FBXO31: variants seen among roughly 807,000 people sequenced by gnomAD.
FBXO31 encodes the protein F-box protein 31, also known as F-box only protein 31.
A neutral mutation model predicts 54.4 loss-of-function variants in FBXO31; 24 were observed. The ratio of observed to expected loss-of-function variants is 0.44; its 90% CI spans 0.32 to 0.62. The LOEUF (loss-of-function observed/expected upper bound fraction) is 0.62. Among genes scored for constraint, FBXO31 ranks in the 20% least tolerant of loss-of-function variants. The probability of loss-of-function intolerance (pLI) is 0.05; values close to 1 mark genes in which losing one functional copy is unlikely to be tolerated. For missense variants in FBXO31, 665 were observed against 787.1 expected (o/e 0.84, Z 1.86); for synonymous variants, 388 against 335.6 (o/e 1.16, Z -1.71).
chr16:87,332,372 G>A (rs1375373409), intron 8 of FBXO31, among the ~76,000 whole-genome samples: 2 of 152,228 alleles, frequency 1.3e-5, no homozygotes, highest in African/African-American at 4.8e-5. Flanking sequence ...AGGTTAGCTG[G>A]GGACGGAGGC....
Position 87,335,085 on chromosome 16 carries a change from C to T in FBXO31, c.996+219G>A, listed in dbSNP as rs1025417988. On this transcript the variant is annotated intron_variant, in intron 7 of 8. Transcript: ENST00000311635. This position sits in a 1 kb window ranked among gnomAD's most constrained non-coding sequence, Gnocchi z 5.7. Reference sequence around the variant, plus strand: ...CTGTGGGAAGGCCACCTTGGAAGCACACAGACTCCCTGAGGGTCTCGTGGA... The same window carrying T: ...CTGTGGGAAGGCCACCTTGGAAGCATACAGACTCCCTGAGGGTCTCGTGGA... 6.6e-6 allele frequency among the ~76,000 whole-genome samples: 1 copy of T among 152,200 alleles called. No homozygotes were observed. The highest frequency in any genetic ancestry group is 1.5e-5 in the Non-Finnish European group (1 of 68,036).
In FBXO31 at chr16:87,345,012, C is replaced by G. The variant is rs1597363826; in HGVS notation, c.490-1247G>C. ...CCCCACCTGGGGGCAGAGCCCATCCCTGCCCCGAACCCCACCTGAGGAACA... is the reference window on the plus strand; with the variant it reads ...CCCCACCTGGGGGCAGAGCCCATCCGTGCCCCGAACCCCACCTGAGGAACA... On this transcript the variant is annotated intron_variant, in intron 3 of 8. Transcript: ENST00000311635. The surrounding 1 kb of genome is among the most constrained non-coding windows in gnomAD (Gnocchi z 4.9). 6.6e-6 allele frequency among the ~76,000 whole-genome samples: 1 copy of G among 151,634 alleles called. No homozygotes were observed. Among genetic ancestry groups the G allele is most frequent in the Non-Finnish European group, 1.5e-5 (1 of 67,780 alleles).
chr16:87,365,037 A>ATATATATATATC (rs1489132121), intron 1 of FBXO31, among the ~76,000 whole-genome samples: 9 of 106,866 alleles, frequency 8.4e-5, no homozygotes, highest in African/African-American at 2.1e-4. Flanking sequence ...ATATATATAT[A>ATATATATATATC]TATCAGGCAG....
At chr16:87,376,932 C>A (rs140674776) in intron 1 of FBXO31, among the ~76,000 whole-genome samples, 306 of 152,328 alleles carry the variant, frequency 2.0e-3, no homozygotes, top group African/African-American at 7.1e-3. Flanking sequence ...ACGACTATTC[C>A]TATCTGTATT....
chr16:87,346,407 G>T lies in FBXO31; in HGVS notation c.489+767C>A, dbSNP rs1905389317. ...AAACTTTCACTACTGTACCCAAAAA[G>T]ATTAACAAAGAGAAGGAAAACTTCA... On this transcript the variant is annotated intron_variant, in intron 3 of 8. Coordinates refer to ENST00000311635, the MANE Select transcript of FBXO31 (RefSeq NM_024735.5). This position sits in a 1 kb window ranked among gnomAD's most constrained non-coding sequence, Gnocchi z 4.2. 6.6e-6 allele frequency among the ~76,000 whole-genome samples: 1 copy of T among 152,160 alleles called. No individual in the cohort carries two copies. Among genetic ancestry groups the T allele is most frequent in the South Asian group, 2.1e-4 (1 of 4,832 alleles).
chr16:87,366,693 A>G (rs894069603), intron 1 of FBXO31, among the ~76,000 whole-genome samples: 3 of 152,182 alleles, frequency 2.0e-5, no homozygotes, highest in African/African-American at 4.8e-5. Flanking sequence ...TGGTAAAGAA[A>G]CTGATGAAAG....
intron 1 of FBXO31, among the ~76,000 whole-genome samples, chr16:87,379,200 C>A (rs1906963711): frequency 6.6e-6 from 1 of 152,096 alleles, no homozygotes; most frequent in African/African-American, 2.4e-5. Context: ...ATGATCTTGG[C>A]TCACTGCAAC....
At chr16:87,381,560 C>G (rs970191201) in intron 1 of FBXO31, among the ~76,000 whole-genome samples, 1 of 152,236 alleles carries the variant, frequency 6.6e-6, no homozygotes, top group Non-Finnish European at 1.5e-5. Flanking sequence ...AATCAGGGGC[C>G]TCGACCATTA....
chr16:87,365,010 A>AAAATATAT (rs1233086176), intron 1 of FBXO31, among the ~76,000 whole-genome samples: 3 of 47,682 alleles, frequency 6.3e-5, no homozygotes, highest in African/African-American at 2.0e-4. Flanking sequence ...CCGTCTCTTA[A>AAAATATAT]ATATATATAT....
At chr16:87,381,472 G>T (rs1907074117) in intron 1 of FBXO31, among the ~76,000 whole-genome samples, 1 of 152,186 alleles carries the variant, frequency 6.6e-6, no homozygotes. Flanking sequence ...ACAGGACTTG[G>T]GAAGGTGAAG....
intron 1 of FBXO31, among the ~76,000 whole-genome samples, chr16:87,381,697 T>C (rs1244457903): frequency 6.6e-6 from 1 of 152,174 alleles, no homozygotes; most frequent in African/African-American, 2.4e-5. Context: ...TTCATCAACA[T>C]GCAGTCCTAC....
At chr16:87,375,348 T>G (rs925534434) in intron 1 of FBXO31, among the ~76,000 whole-genome samples, 1 of 150,156 alleles carries the variant, frequency 6.7e-6, no homozygotes, top group African/African-American at 2.5e-5. Context: ...AAAAATTAGC[T>G]GGGCATGGTG....
intron 1 of FBXO31, among the ~76,000 whole-genome samples, chr16:87,380,240 G>A (rs961995808): frequency 7.4e-6 from 1 of 135,016 alleles, no homozygotes; most frequent in Non-Finnish European, 1.5e-5. Context: ...AGAGGCTGTA[G>A]TGAGCCAAGA....
upstream of FBXO31, among the ~76,000 whole-genome samples, chr16:87,385,675 T>C (rs1907304448): frequency 6.6e-6 from 1 of 152,084 alleles, no homozygotes; most frequent in Non-Finnish European, 1.5e-5. Context: ...AATTTGGAGT[T>C]AGCCAGGAGG....
upstream of FBXO31, among the ~76,000 whole-genome samples, chr16:87,390,933 TAG>T (rs1907517309): frequency 6.6e-6 from 1 of 152,178 alleles, no homozygotes; most frequent in African/African-American, 2.4e-5. Flanking sequence ...GCTTACAGTG[TAG>T]AGTGTATTAG....
intron 1 of FBXO31, among the ~76,000 whole-genome samples, chr16:87,373,431 G>A (rs988131803): frequency 5.3e-5 from 8 of 151,976 alleles, no homozygotes; most frequent in African/African-American, 1.5e-4. Flanking sequence ...CAGCCTGGGC[G>A]ACAGAGCGAG....
intron 2 of FBXO31, among the ~76,000 whole-genome samples, chr16:87,352,655 A>G (rs1905714339): frequency 6.6e-6 from 1 of 152,018 alleles, no homozygotes; most frequent in Non-Finnish European, 1.5e-5. Context: ...GCTGTCCAGG[A>G]CCCCACTCTG....
At position 87,358,680 on chromosome 16, in the gene FBXO31, AC is replaced by A. The variant is rs1906004187; in HGVS notation, c.412+1614del. Among the ~76,000 whole-genome samples the A allele has an allele frequency of 6.6e-6, 1 of 152,136 alleles. No homozygotes were observed. Among genetic ancestry groups the A allele is most frequent in the Admixed American group, 6.5e-5 (1 of 15,280 alleles). ...CTGCTGGAGAGAACAACACTGTGAC[AC>A]GTTTTCCTTCCATCAGTGGTGCCAC... On this transcript the variant is annotated intron_variant, in intron 2 of 8. Transcript: ENST00000311635. This position sits in a 1 kb window ranked among gnomAD's most constrained non-coding sequence, Gnocchi z 4.0.
chr16:87,357,203 C>T (rs1282342046), intron 2 of FBXO31, among the ~76,000 whole-genome samples: 1 of 151,842 alleles, frequency 6.6e-6, no homozygotes, highest in African/African-American at 2.4e-5. Context: ...TGTAATTGTG[C>T]CACTGCACTC....
Sources: gnomAD v4.1 joint callset for allele counts (sites outside exome capture counted in the v4.1 genomes callset) on GRCh38, gnomAD v4.1.1 for gene constraint, Gnocchi (gnomAD v3.1) non-coding constraint, MANE v1.5 for transcripts, NCBI Gene and HGNC (gene_info 2026-07-23, HGNC 2026-07-21) for gene names.